ARHGAP29: variants seen among roughly 807,000 people sequenced by gnomAD.
ARHGAP29 encodes rho GTPase-activating protein 29.
A neutral mutation model predicts 122.6 loss-of-function variants in ARHGAP29; 43 were observed. The observed-to-expected ratio is 0.35, with a 90% CI of 0.27 to 0.45. The LOEUF (loss-of-function observed/expected upper bound fraction) is 0.45, where lower values mean the gene tolerates loss of function less well. Among genes scored for constraint, ARHGAP29 ranks in the 20% least tolerant of loss-of-function variants. ARHGAP29 has a pLI of 1.00. For missense variants in ARHGAP29, 1,303 were observed against 1,477.2 expected (o/e 0.88, Z 1.93); for synonymous variants, 506 against 497.1 (o/e 1.02, Z -0.24).
chr1:94,212,899 C>T (rs1003147099), intron 3 of ARHGAP29, among the ~76,000 whole-genome samples: 5 of 152,156 alleles, frequency 3.3e-5, no homozygotes, highest in African/African-American at 1.2e-4. Flanking sequence ...AAACCCTATA[C>T]CAACTTTACT....
intron 1 of ARHGAP29, chr1:94,250,558 C>T (rs958776333): frequency 3.3e-5 from 5 of 152,140 alleles, no homozygotes; most frequent in Non-Finnish European, 7.3e-5. Context: ...AGTACAAAGC[C>T]TCCAGATTCC....
chr1:94,268,525 A>G (rs990002407), intron 1 of ARHGAP29, among the ~76,000 whole-genome samples: 3 of 152,086 alleles, frequency 2.0e-5, no homozygotes, highest in African/African-American at 7.2e-5. Flanking sequence ...ATGTTTCCAC[A>G]TGGGTAAGGG....
the ARHGAP29 span, among the ~76,000 whole-genome samples, chr1:94,313,976 G>C: frequency 7.2e-5 from 11 of 152,276 alleles, no homozygotes; most frequent in South Asian, 4.2e-4. Context: ...GGCCTGTCGG[G>C]GGGTGGGGAG....
chr1:94,213,099 T>C (rs370242398), intron 3 of ARHGAP29, among the ~76,000 whole-genome samples: 6 of 152,328 alleles, frequency 3.9e-5, no homozygotes, highest in African/African-American at 1.2e-4. Context: ...ATGGCCTATA[T>C]TGCCTTCCTT....
At chr1:94,212,212 C>G (rs1482326863) in intron 3 of ARHGAP29, among the ~76,000 whole-genome samples, 2 of 152,114 alleles carry the variant, frequency 1.3e-5, no homozygotes, top group East Asian at 3.9e-4. Flanking sequence ...GGGCTGAGAT[C>G]TCACCACTGC....
At chr1:94,198,107 C>T (rs567808127) in intron 12 of ARHGAP29, among the ~76,000 whole-genome samples, 1 of 152,302 alleles carries the variant, frequency 6.6e-6, no homozygotes, top group African/African-American at 2.4e-5. Context: ...CTACAAAAAG[C>T]TCCCAAGAGT....
chr1:94,198,983 A>G (rs1378346737), intron 12 of ARHGAP29, among the ~76,000 whole-genome samples: 1 of 152,218 alleles, frequency 6.6e-6, no homozygotes, highest in Non-Finnish European at 1.5e-5. Context: ...GGGCTTTATA[A>G]AAAGGACAGC....
At chr1:94,279,815 C>T (rs1655293579), upstream of ARHGAP29, among the ~76,000 whole-genome samples, 1 of 152,184 alleles carries the variant, frequency 6.6e-6, no homozygotes, top group African/African-American at 2.4e-5. Flanking sequence ...GAGTCTTTCC[C>T]TCAAAGTCTT....
chr1:94,235,263 G>A (rs1015249319), intron 1 of ARHGAP29, among the ~76,000 whole-genome samples: 1 of 152,180 alleles, frequency 6.6e-6, no homozygotes, highest in African/African-American at 2.4e-5. Context: ...AATGAACTAT[G>A]ATAATGAGAA....
At chr1:94,198,973 G>T (rs1350429918) in intron 12 of ARHGAP29, among the ~76,000 whole-genome samples, 2 of 152,124 alleles carry the variant, frequency 1.3e-5, no homozygotes, top group Non-Finnish European at 2.9e-5. Flanking sequence ...CGAGACACTG[G>T]GGCTTTATAA....
At chr1:94,242,573 G>A (rs113142237), upstream of ARHGAP29, among the ~76,000 whole-genome samples, 1 of 142,638 alleles carries the variant, frequency 7.0e-6, no homozygotes, top group South Asian at 2.3e-4. Flanking sequence ...CAGAGATAAA[G>A]TTAATTAAGC....
chr1:94,226,355 T>C (rs1652611662), intron 2 of ARHGAP29, among the ~76,000 whole-genome samples: 1 of 151,964 alleles, frequency 6.6e-6, no homozygotes, highest in Non-Finnish European at 1.5e-5. Context: ...GCTTTACATA[T>C]ATAAACTCAT....
chr1:94,304,648 C>G, the ARHGAP29 span, among the ~76,000 whole-genome samples: 1 of 152,220 alleles, frequency 6.6e-6, no homozygotes, highest in Non-Finnish European at 1.5e-5. Context: ...GTATCTATTG[C>G]TGCTTTAAAT....
chr1:94,262,193 T>A (rs1654585639), intron 1 of ARHGAP29, among the ~76,000 whole-genome samples: 1 of 152,212 alleles, frequency 6.6e-6, no homozygotes, highest in Non-Finnish European at 1.5e-5. Context: ...CTGGGATAAC[T>A]GGCTAGCCAT....
At chr1:94,181,663 C>T (rs1391485824) in intron 19 of ARHGAP29, among the ~76,000 whole-genome samples, 1 of 152,082 alleles carries the variant, frequency 6.6e-6, no homozygotes, top group African/African-American at 2.4e-5. Context: ...TTCTTGTGTT[C>T]AAGAGCTTCA....
chr1:94,198,732 A>G (rs116771563), intron 12 of ARHGAP29, among the ~76,000 whole-genome samples: 2,555 of 152,274 alleles, frequency 0.017, 32 homozygotes, highest in Non-Finnish European at 0.024. Flanking sequence ...GCAACTTTAT[A>G]TTGCTAAGAT....
At chr1:94,276,151 G>C (rs182160402), upstream of ARHGAP29, among the ~76,000 whole-genome samples, 50 of 152,030 alleles carry the variant, frequency 3.3e-4, no homozygotes, top group South Asian at 3.5e-3. Context: ...TCAGCTACTT[G>C]GGAAGATGAG....
chr1:94,199,211 G>A (rs1570523283), intron 12 of ARHGAP29, among the ~76,000 whole-genome samples: 2 of 152,102 alleles, frequency 1.3e-5, no homozygotes, highest in Non-Finnish European at 2.9e-5. Flanking sequence ...TGCACGTTGT[G>A]CACATGTATC....
At chr1:94,274,354 C>A (rs1655107478) in intron 1 of ARHGAP29, among the ~76,000 whole-genome samples, 1 of 152,194 alleles carries the variant, frequency 6.6e-6, no homozygotes, top group South Asian at 2.1e-4. Context: ...TGGGCCTAAT[C>A]ACTGTGAATG....
Sources: allele counts gnomAD v4.1 joint callset (sites outside exome capture counted in the v4.1 genomes callset), GRCh38; gene constraint gnomAD v4.1.1; transcripts MANE v1.5; gene names NCBI Gene and HGNC (gene_info 2026-07-23, HGNC 2026-07-21).